Variants in AIRE observed in about 807,000 individuals in gnomAD.
AIRE encodes the protein autoimmune polyendocrinopathy candidiasis ectodermal dystrophy protein.
In AIRE, 52 loss-of-function variants were observed where a neutral mutation model predicts 62.1. That is an observed-to-expected ratio of 0.84 (90% CI 0.67 to 1.06). The LOEUF (loss-of-function observed/expected upper bound fraction) is 1.06, where lower values mean the gene tolerates loss of function less well. AIRE is among the 50% of genes least tolerant of loss of function. The pLI, the probability that AIRE is intolerant of heterozygous loss-of-function variation, is 0.00. For missense variants in AIRE, 774 were observed against 755.8 expected (o/e 1.02, Z -0.28); for synonymous variants, 342 against 321.6 (o/e 1.06, Z -0.68).
In AIRE at chr21:44,292,411, C is replaced by A. The variant is rs372932833; in HGVS notation, c.1095+10C>A. On this transcript the variant is annotated intron_variant, in intron 9 of 13. Coordinates refer to ENST00000291582, the MANE Select transcript of AIRE (RefSeq NM_000383.4). ...ACCCGTGGAGACCCCGGTATGGCCACGCCCCCTCCTAGCCGGGCCACCCCT... is the reference window on the plus strand; with the variant it reads ...ACCCGTGGAGACCCCGGTATGGCCAAGCCCCCTCCTAGCCGGGCCACCCCT... 49 of 1,540,878 alleles carry A rather than the reference C, an allele frequency of 3.2e-5. No homozygotes were observed. The highest frequency in any genetic ancestry group is 4.0e-5 in the Non-Finnish European group (46 of 1,139,660).
intron 7 of AIRE, chr21:44,290,785 A>G: frequency 1.3e-6 from 2 of 1,491,326 alleles, no homozygotes; most frequent in Non-Finnish European, 1.8e-6. Context: ...GCCTGGCCCC[A>G]CTGCCCTGTG....
rs374995530 is a variant in AIRE, at chr21:44,292,977, G to A, written c.1096-16G>A. On this transcript the variant is annotated splice_polypyrimidine_tract_variant and intron_variant, in intron 9 of 13. Coordinates refer to ENST00000291582, the MANE Select transcript of AIRE (RefSeq NM_000383.4). ...AGGCGCCCGCTGCCCCTCTGATGCT[G>A]ACCCTTGGGTTCCAGCTCCCCCCGG... 3 of 1,611,490 alleles carry A rather than the reference G, an allele frequency of 1.9e-6. No individual in the cohort carries two copies. Among genetic ancestry groups the A allele is most frequent in the African/African-American group, 2.7e-5 (2 of 74,890 alleles).
chr21:44,291,641 C>T (rs546454745), intron 8 of AIRE, among the ~76,000 whole-genome samples: 3 of 152,240 alleles, frequency 2.0e-5, no homozygotes, highest in South Asian at 2.1e-4. Flanking sequence ...ATGCACAGGA[C>T]GCCGGGCTTA....
rs1014398252 is a variant in AIRE at position 44,286,016 on chromosome 21, G to A, written c.10G>A (p.Asp4Asn). 23 of 1,532,158 alleles carry A rather than the reference G, an allele frequency of 1.5e-5. No individual in the cohort carries two copies. The highest frequency in any genetic ancestry group is 2.0e-4 in the Middle Eastern group (1 of 5,014). The allele number at this position is 1,532,158 out of a possible 1,614,324, so 94.9% of individuals were successfully genotyped here. A position where few individuals can be genotyped will look rare whatever the true frequency, so the allele number is the denominator to read the frequency against. The change falls in exon 1 of 14, where the codon GAC becomes AAC. Residue 4 changes from aspartate to asparagine, a missense_variant. Asp to Asn is a conservative substitution (Grantham distance 23, BLOSUM62 1). Around this residue, in one of 3 missense-constraint regions of AIRE, gnomAD observed 385 missense variants for 396.0 expected, o/e 0.97. Transcript: ENST00000291582. This position sits in a 1 kb window ranked among gnomAD's most constrained non-coding sequence, Gnocchi z 6.0. The stretch of plus-strand genomic sequence containing the variant: ...TCCCCGCGCCCACCCCATGGCGACG[G>A]ACGCGGCGCTACGCCGGCTTCTGAG... The part of the protein sequence containing the change: MAT[D>N]AALRRLLRLH...
chr21:44,287,137 C>A lies in AIRE; in HGVS notation c.463+4C>A, dbSNP rs763642554. ...CCAAGGGGCACCGCCAGCCCAGGTA[C>A]CCTCCCTGCAGGGGAAGCCAGCCAG... On this transcript the variant is annotated splice_donor_region_variant and intron_variant, in intron 3 of 13. Coordinates refer to ENST00000291582, the MANE Select transcript of AIRE (RefSeq NM_000383.4). This position sits in a 1 kb window ranked among gnomAD's most constrained non-coding sequence, Gnocchi z 4.3. The A allele has an allele frequency of 1.2e-6, 2 of 1,612,074 alleles. No individual in the cohort carries two copies. The highest frequency in any genetic ancestry group is 2.2e-5 in the East Asian group (1 of 44,868).
Position 44,296,442 on chromosome 21 carries a change from C to T in AIRE, c.1563C>T (p.Ser521=), listed in dbSNP as rs746873146. ...LHRDDLESLL[S]EHTFDGILQW... ...GGGATGACCTGGAGTCCCTTCTGAGCGAGGTAACGCCTCCCCTGGCCTCCT... is the reference window on the plus strand; with the variant it reads ...GGGATGACCTGGAGTCCCTTCTGAGTGAGGTAACGCCTCCCCTGGCCTCCT... The change falls in exon 13 of 14, where the codon AGC becomes AGT. Residue 521 remains serine, a synonymous_variant. Coordinates refer to ENST00000291582, the MANE Select transcript of AIRE (RefSeq NM_000383.4). 22 of 1,612,110 alleles carry T rather than the reference C, an allele frequency of 1.4e-5. No homozygotes were observed. Among genetic ancestry groups the T allele is most frequent in the East Asian group, 4.5e-5 (2 of 44,890 alleles).
rs560398982 is a variant in AIRE at position 44,289,285 on chromosome 21, G to A, written c.653-372G>A. On this transcript the variant is annotated intron_variant, in intron 5 of 13. Coordinates refer to ENST00000291582, the MANE Select transcript of AIRE (RefSeq NM_000383.4). ...CTTGTTCCTGGGCTCAGGACCCACCGCTCCAGCCTCTGCTTCTGTGGTCTC... is the reference window on the plus strand; with the variant it reads ...CTTGTTCCTGGGCTCAGGACCCACCACTCCAGCCTCTGCTTCTGTGGTCTC... 594 of 301,802 alleles carry A rather than the reference G, an allele frequency of 2.0e-3. 4 individuals are homozygous for A. The highest frequency in any genetic ancestry group is 5.8e-3 in the African/African-American group (267 of 45,842). The allele number at this position is 301,802 out of a possible 1,614,324, so 18.7% of individuals were successfully genotyped here.
At chr21:44,290,300 T>C (rs1209648973) in intron 7 of AIRE, 20 of 985,358 alleles carry the variant, frequency 2.0e-5, no homozygotes, top group Admixed American at 1.8e-4. Context: ...CTTAAGAGCA[T>C]GGCGTTTGGT....
At chr21:44,292,445 C>G (rs1420149396) in intron 9 of AIRE, 44 bp downstream of exon 9, 8 of 1,360,428 alleles carry the variant, frequency 5.9e-6, no homozygotes, top group Non-Finnish European at 7.1e-6. Flanking sequence ...CTCCTGTCCA[C>G]ATGGCCACGC....
chr21:44,289,860 A>G (rs2040518637), intron 6 of AIRE, 58 bp downstream of exon 6: 2 of 1,610,718 alleles, frequency 1.2e-6, no homozygotes, highest in African/African-American at 1.3e-5. Context: ...CCCCAGGAAC[A>G]GCGTTGCCTC....
intron 7 of AIRE, chr21:44,290,528 A>G: frequency 4.7e-6 from 4 of 857,370 alleles, no homozygotes; most frequent in Non-Finnish European, 5.6e-6. Context: ...GGCACTTAGC[A>G]GTGACAGGAG....
At chr21:44,296,832 G>A (rs942258873) in intron 13 of AIRE, among the ~76,000 whole-genome samples, 9 of 152,108 alleles carry the variant, frequency 5.9e-5, no homozygotes, top group Non-Finnish European at 1.0e-4. Context: ...GGAGTGGGGG[G>A]GGGGTCCCAG....
chr21:44,291,524 C>T (rs1276533899), intron 8 of AIRE, among the ~76,000 whole-genome samples: 10 of 152,250 alleles, frequency 6.6e-5, no homozygotes, highest in African/African-American at 2.2e-4. Context: ...CATGGGTAGC[C>T]GGCCCCCACC....
chr21:44,286,225 C>G lies in AIRE; in HGVS notation c.132+87C>G, dbSNP rs2040480609. 7.2e-7 allele frequency: 1 copy of G among 1,385,622 alleles called. No individual in the cohort carries two copies. Among genetic ancestry groups the G allele is most frequent in the East Asian group, 2.5e-5 (1 of 39,370 alleles). The allele number at this position is 1,385,622 out of a possible 1,614,324, so 85.8% of individuals were successfully genotyped here. The stretch of plus-strand genomic sequence containing the variant: ...GAAGTTCCAGGAGGACCCCGCCCCT[C>G]CAGATCCCCAAGCCCCTCCAGCCTT... On this transcript the variant is annotated intron_variant, in intron 1 of 13. Transcript: ENST00000291582. The surrounding 1 kb of genome is among the most constrained non-coding windows in gnomAD (Gnocchi z 6.0).
In AIRE at chr21:44,287,406, C is replaced by G. The variant is rs967513511; in HGVS notation, c.464-111C>G. 1.4e-5 allele frequency: 11 copies of G among 779,022 alleles called. No homozygotes were observed. Among genetic ancestry groups the G allele is most frequent in the Non-Finnish European group, 1.9e-5 (9 of 464,018 alleles). The allele number at this position is 779,022 out of a possible 1,614,324, so 48.3% of individuals were successfully genotyped here. On this transcript the variant is annotated intron_variant, in intron 3 of 13. Transcript: ENST00000291582. The surrounding 1 kb of genome is among the most constrained non-coding windows in gnomAD (Gnocchi z 4.3). ...GAGAAACCAGAGCCCGGCAAAGGGA[C>G]TACCCAGCACTGGACCGCCCCCTCC... is the stretch of plus-strand genomic sequence containing the variant.
intron 5 of AIRE, 114 bp from the exon 6 acceptor site, chr21:44,289,542 TG>T (rs2040514610): frequency 6.9e-7 from 1 of 1,448,536 alleles, no homozygotes; most frequent in African/African-American, 1.4e-5. Context: ...GCTGGAGGAA[TG>T]CAGGCTGTGG....
At chr21:44,296,565 C>A in intron 13 of AIRE, 120 bp downstream of exon 13, 1 of 990,592 alleles carries the variant, frequency 1.0e-6, no homozygotes, top group Non-Finnish European at 1.6e-6. Context: ...GCCGTGGAAA[C>A]TCAGGCTGTC....
At chr21:44,290,758 G>T in intron 7 of AIRE, 3 of 1,448,012 alleles carry the variant, frequency 2.1e-6, no homozygotes, top group East Asian at 3.4e-5. Context: ...CGCTGAGGTC[G>T]GGAGAGACCT....
At position 44,286,505 on chromosome 21, in the gene AIRE, G is replaced by A; in HGVS notation, c.133-52G>A. On this transcript the variant is annotated intron_variant, in intron 1 of 13. Transcript: ENST00000291582. This position sits in a 1 kb window ranked among gnomAD's most constrained non-coding sequence, Gnocchi z 6.0. ...CTCTAGTCATGATGGAGATGGGCAG[G>A]CCGCAGGGTGTGGGGGACCATGGCA... The A allele has an allele frequency of 1.3e-6, 2 of 1,560,540 alleles. No individual in the cohort carries two copies. The highest frequency in any genetic ancestry group is 1.7e-6 in the Non-Finnish European group (2 of 1,144,590).
Sources: allele counts gnomAD v4.1 joint callset (sites outside exome capture counted in the v4.1 genomes callset), GRCh38; gene constraint gnomAD v4.1.1; regional missense constraint gnomAD v4.1.1; non-coding constraint Gnocchi (gnomAD v3.1); transcripts MANE v1.5; gene names NCBI Gene and HGNC (gene_info 2026-07-23, HGNC 2026-07-21).